HYLS1: variants seen among roughly 807,000 people sequenced by gnomAD.
HYLS1 encodes the protein centriolar and ciliogenesis-associated protein HYLS1.
Under a neutral mutation model 29.4 loss-of-function variants are expected in HYLS1, and 25 were observed. The observed-to-expected ratio is 0.85, with a 90% CI of 0.62 to 1.19. HYLS1 has a LOEUF of 1.19. Ranked by LOEUF, HYLS1 falls within the 50% of genes most tolerant of loss-of-function variation. The pLI is 0.00. For missense variants in HYLS1, 352 were observed against 365.1 expected (o/e 0.96, Z 0.29); for synonymous variants, 128 against 126.7 (o/e 1.01, Z -0.07).
chr11:125,895,492 A>G, intron 2 of HYLS1: 1 of 1,614,174 alleles, frequency 6.2e-7, no homozygotes, highest in Non-Finnish European at 8.5e-7. Flanking sequence ...TCCATTTTAC[A>G]CAAGTTCCTG....
At chr11:125,887,953 GC>G (rs1944336950) in intron 1 of HYLS1, 188 bp downstream of exon 1, 11 of 152,578 alleles carry the variant, frequency 7.2e-5, no homozygotes, top group African/African-American at 2.4e-4. Context: ...GGCGGCCGGG[GC>G]AGCGTGAGCT....
At chr11:125,896,691 T>A (rs1298016376) in intron 2 of HYLS1, among the ~76,000 whole-genome samples, 1 of 152,238 alleles carries the variant, frequency 6.6e-6, no homozygotes, top group East Asian at 1.9e-4. Context: ...CTCACTGTAT[T>A]TGTTCAATTT....
At chr11:125,891,110 C>T (rs1944400214) in intron 1 of HYLS1, among the ~76,000 whole-genome samples, 1 of 152,222 alleles carries the variant, frequency 6.6e-6, no homozygotes, top group African/African-American at 2.4e-5. Context: ...CGGATTTGTA[C>T]AAATGCTGTC....
chr11:125,900,646 ATGAACT>A (rs1381395915), downstream of HYLS1: 4 of 267,868 alleles, frequency 1.5e-5, no homozygotes, highest in Non-Finnish European at 2.3e-5. Context: ...TTGGAAATTC[ATGAACT>A]TGAACATTAT....
chr11:125,897,139 C>T (rs1944613754), intron 2 of HYLS1, among the ~76,000 whole-genome samples: 1 of 152,176 alleles, frequency 6.6e-6, no homozygotes, highest in South Asian at 2.1e-4. Flanking sequence ...CAATCTGTGA[C>T]TGATGGTTAC....
intron 2 of HYLS1, chr11:125,896,167 T>C (rs775902307): frequency 1.9e-6 from 3 of 1,614,234 alleles, no homozygotes; most frequent in Non-Finnish European, 1.7e-6. Context: ...TCTCTAATGT[T>C]TGAGTCCTCC....
At chr11:125,895,833 A>T (rs748688817) in intron 2 of HYLS1, 1 of 1,579,940 alleles carries the variant, frequency 6.3e-7, no homozygotes, top group East Asian at 2.2e-5. Flanking sequence ...GACACAAATA[A>T]TCTCAGTACT....
intron 1 of HYLS1, among the ~76,000 whole-genome samples, chr11:125,890,792 T>C (rs1944395226): frequency 6.6e-6 from 1 of 152,224 alleles, no homozygotes; most frequent in Non-Finnish European, 1.5e-5. Flanking sequence ...CAGTTACCTA[T>C]GGACCTTATT....
At chr11:125,896,112 C>T (rs757738985) in intron 2 of HYLS1, 15 of 1,614,100 alleles carry the variant, frequency 9.3e-6, no homozygotes, top group Admixed American at 3.3e-5. Flanking sequence ...GCCATGAGCA[C>T]TGAAATCAAA....
At position 125,895,636 on chromosome 11, in the gene HYLS1, C is replaced by T. The variant is rs779170546; in HGVS notation, c.-25-3708C>T. On this transcript the variant is annotated intron_variant, in intron 2 of 2. Coordinates refer to ENST00000425380, the MANE Select transcript of HYLS1 (RefSeq NM_001134793.2). ...GCACTGAAGCTTGGTTCTACAGGGG[C>T]CCAGGCCAATATACGGATGTCTGGA... is the stretch of plus-strand genomic sequence containing the variant. The T allele has an allele frequency of 5.6e-6, 9 of 1,614,096 alleles. No individual in the cohort carries two copies. In the South Asian group the frequency reaches 6.6e-5, roughly 12 times the overall value.
chr11:125,884,983 C>T (rs1164675958), upstream of HYLS1, among the ~76,000 whole-genome samples: 3 of 152,054 alleles, frequency 2.0e-5, no homozygotes, highest in Admixed American at 6.6e-5. Context: ...CTGGGAACCA[C>T]AAGCATTATT....
chr11:125,893,622 T>A (rs966416955), intron 2 of HYLS1: 25 of 564,466 alleles, frequency 4.4e-5, no homozygotes, highest in Non-Finnish European at 7.1e-5. Context: ...AATTTCTTAT[T>A]AAAGCAATAA....
At position 125,899,638 on chromosome 11, in the gene HYLS1, A is replaced by G; in HGVS notation, c.270A>G (p.Arg90=). The G allele has an allele frequency of 6.2e-7, 1 of 1,614,204 alleles. No individual in the cohort carries two copies. The highest frequency in any genetic ancestry group is 8.5e-7 in the Non-Finnish European group (1 of 1,180,036). ...TCTCTGAGGCCTCCCAAAGACTCCG[A>G]AAGCCAGTGATGAAGAGAAAGGTGC... ...ETVSEASQRL[R]KPVMKRKVLR... is the part of the protein sequence containing the mutation. The change falls in exon 3 of 3, where the codon CGA becomes CGG. Residue 90 remains arginine, a synonymous_variant. Coordinates refer to ENST00000425380, the MANE Select transcript of HYLS1 (RefSeq NM_001134793.2).
Position 125,891,484 on chromosome 11 carries a change from A to G in HYLS1, c.-26+12A>G, listed in dbSNP as rs1250032217. 8 of 1,390 alleles carry G rather than the reference A, an allele frequency of 5.8e-3. No individual in the cohort carries two copies. Among genetic ancestry groups the G allele is most frequent in the African/African-American group, 7.1e-3 (8 of 1,120 alleles). 0.1% of individuals were successfully genotyped at this position (1,390 alleles called of 1,614,324 possible). Reference sequence around the variant, plus strand: ...TACATTGAAATAAGGTAAGAAATTGAAAAAAAAAAAAAAAAACCTTGGTTT... The same window carrying G: ...TACATTGAAATAAGGTAAGAAATTGGAAAAAAAAAAAAAAAACCTTGGTTT... On this transcript the variant is annotated intron_variant, in intron 2 of 2. Transcript: ENST00000425380.
chr11:125,893,540 T>C, intron 2 of HYLS1: 1 of 361,502 alleles, frequency 2.8e-6, no homozygotes, highest in Non-Finnish European at 4.9e-6. Flanking sequence ...TTTCCAGGTG[T>C]ATGTAAATAC....
chr11:125,893,006 AT>A (rs1371968359), intron 2 of HYLS1, among the ~76,000 whole-genome samples: 1 of 152,216 alleles, frequency 6.6e-6, no homozygotes, highest in East Asian at 1.9e-4. Flanking sequence ...ACTTAGACAC[AT>A]TTAAAGTGGT....
rs765157792 is a variant in HYLS1, at chr11:125,899,634, T to G, written c.266T>G (p.Leu89Arg). The G allele has an allele frequency of 4.3e-6, 7 of 1,614,044 alleles. No individual in the cohort carries two copies. The Middle Eastern group carries it at 9.9e-4, about 228-fold the overall frequency. The part of the protein sequence containing the change: ...SETVSEASQR[L>R]RKPVMKRKVL... ...ACAGTCTCTGAGGCCTCCCAAAGACTCCGAAAGCCAGTGATGAAGAGAAAG... is the reference window on the plus strand; with the variant it reads ...ACAGTCTCTGAGGCCTCCCAAAGACGCCGAAAGCCAGTGATGAAGAGAAAG... Residue 89 changes from leucine to arginine, a missense_variant, in exon 3 of 3, where the codon CTC (leucine) becomes CGC (arginine). Coordinates refer to ENST00000425380, the MANE Select transcript of HYLS1 (RefSeq NM_001134793.2).
At chr11:125,894,009 T>G in intron 2 of HYLS1, 1 of 1,614,198 alleles carries the variant, frequency 6.2e-7, no homozygotes, top group Non-Finnish European at 8.5e-7. Flanking sequence ...TATGTGCGCA[T>G]CTTCACTCCT....
intron 2 of HYLS1, chr11:125,894,187 T>A (rs1396563749): frequency 1.2e-6 from 2 of 1,613,990 alleles, no homozygotes; most frequent in Non-Finnish European, 1.7e-6. Flanking sequence ...ACAGTTGTTG[T>A]AGGTGGGTAA....
Sources: allele counts gnomAD v4.1 joint callset (sites outside exome capture counted in the v4.1 genomes callset), GRCh38; gene constraint gnomAD v4.1.1; transcripts MANE v1.5; gene names NCBI Gene and HGNC (gene_info 2026-07-23, HGNC 2026-07-21).